Variants in RTN4 observed in about 807,000 individuals in gnomAD.
RTN4 encodes reticulon 4, also known as reticulon-4.
RTN4 carries 32 observed loss-of-function variants against 90.4 expected under a neutral mutation model. The observed-to-expected ratio is 0.35, with a 90% confidence interval of 0.27 to 0.48. RTN4 has a LOEUF of 0.48. Among genes scored for constraint, RTN4 ranks in the 20% least tolerant of loss-of-function variants. RTN4 has a pLI of 0.99. For synonymous variants in RTN4, 629 were observed against 552.5 expected (o/e 1.14, Z -1.94); for missense variants, 1,706 against 1,430.2 (o/e 1.19, Z -3.11).
chr2:55,135,689 A>T, the RTN4 span, among the ~76,000 whole-genome samples: 1 of 152,144 alleles, frequency 6.6e-6, no homozygotes, highest in African/African-American at 2.4e-5. Context: ...GATAATGAAC[A>T]TCTCCGTCAA....
intron 1 of RTN4, among the ~76,000 whole-genome samples, chr2:55,097,209 G>T (rs867798539): frequency 6.6e-6 from 1 of 151,600 alleles, no homozygotes; most frequent in Non-Finnish European, 1.5e-5. Flanking sequence ...TTGTGATAAA[G>T]GAGGATTGCT....
intron 1 of RTN4, among the ~76,000 whole-genome samples, chr2:55,093,053 T>C (rs1386057074): frequency 6.6e-6 from 1 of 152,234 alleles, no homozygotes; most frequent in Non-Finnish European, 1.5e-5. Flanking sequence ...TGTGTACGTG[T>C]GTAAAATATC....
chr2:55,043,130 A>G (rs1683185740), intron 1 of RTN4, among the ~76,000 whole-genome samples: 2 of 152,178 alleles, frequency 1.3e-5, no homozygotes, highest in East Asian at 3.8e-4. Flanking sequence ...TTGCATACCT[A>G]TGTCCTGCAC....
At chr2:55,082,872 TCA>T (rs1472107826) in intron 1 of RTN4, among the ~76,000 whole-genome samples, 1 of 152,080 alleles carries the variant, frequency 6.6e-6, no homozygotes, top group Non-Finnish European at 1.5e-5. Flanking sequence ...TTGTCCCAAG[TCA>T]CACAGCTAAG....
chr2:55,107,181 G>A (rs777251722), intron 1 of RTN4, among the ~76,000 whole-genome samples: 3 of 151,526 alleles, frequency 2.0e-5, no homozygotes, highest in Non-Finnish European at 4.4e-5. Flanking sequence ...TTTGTTGAGT[G>A]AGTTTTGTTT....
chr2:55,128,140 T>C, the RTN4 span, among the ~76,000 whole-genome samples: 11 of 152,118 alleles, frequency 7.2e-5, no homozygotes, highest in African/African-American at 2.7e-4. Context: ...GCCACCGCAC[T>C]GGGACTGTGA....
chr2:54,998,205 G>T (rs760677695), intron 3 of RTN4, among the ~76,000 whole-genome samples: 28 of 147,618 alleles, frequency 1.9e-4, no homozygotes, highest in Non-Finnish European at 3.9e-4. Context: ...GGGAAGAGGA[G>T]TGACTGCTAG....
intron 3 of RTN4, among the ~76,000 whole-genome samples, chr2:54,993,357 C>G (rs1679176911): frequency 6.6e-6 from 1 of 152,106 alleles, no homozygotes; most frequent in Non-Finnish European, 1.5e-5. Flanking sequence ...GGAAAAAGAA[C>G]ACCCTGTCTG....
chr2:54,978,259 A>C (rs1188256613), intron 5 of RTN4, among the ~76,000 whole-genome samples: 1 of 151,994 alleles, frequency 6.6e-6, no homozygotes, highest in Admixed American at 6.6e-5. Context: ...GCAAAACCCC[A>C]TCTCTTCTAA....
At chr2:55,102,086 T>C (rs1372626425) in intron 1 of RTN4, among the ~76,000 whole-genome samples, 1 of 152,162 alleles carries the variant, frequency 6.6e-6, no homozygotes, top group Non-Finnish European at 1.5e-5. Context: ...AGTCCATTTT[T>C]AAAAATCATG....
Position 55,049,094 on chromosome 2 carries a change from C to T in RTN4, c.556+651G>A, listed in dbSNP as rs148515874. ...AGGACTTTACCAGAACTCTCTCCTT[C>T]CCATTTCTCCACGCACCACACCACT... On this transcript the variant is annotated intron_variant, in intron 1 of 8. Coordinates refer to ENST00000337526, the MANE Select transcript of RTN4 (RefSeq NM_020532.5). 1.1e-3 allele frequency: 1,048 copies of T among 985,782 alleles called. 8 individuals carry two copies. The African/African-American group carries it at 0.017, about 16-fold the overall frequency. 61.1% of individuals were successfully genotyped at this position (985,782 alleles called of 1,614,324 possible). A position where few individuals can be genotyped will look rare whatever the true frequency, so the allele number is the denominator to read the frequency against.
At chr2:55,115,534 T>C (rs1668108286), upstream of RTN4, among the ~76,000 whole-genome samples, 1 of 152,214 alleles carries the variant, frequency 6.6e-6, no homozygotes, top group Non-Finnish European at 1.5e-5. Flanking sequence ...AGAAGATTTC[T>C]AGAAATCTGA....
chr2:55,044,056 C>T (rs1573463720), intron 1 of RTN4, among the ~76,000 whole-genome samples: 1 of 148,896 alleles, frequency 6.7e-6, no homozygotes, highest in Non-Finnish European at 1.5e-5. Flanking sequence ...ATTAGCCGGG[C>T]GTGGTGGTAC....
chr2:55,106,276 T>G (rs1276602155), intron 1 of RTN4, among the ~76,000 whole-genome samples: 3 of 152,126 alleles, frequency 2.0e-5, no homozygotes, highest in Non-Finnish European at 4.4e-5. Flanking sequence ...CACCCTACCC[T>G]GAATTTCTTG....
intron 3 of RTN4, among the ~76,000 whole-genome samples, chr2:55,016,570 C>G (rs529765362): frequency 1.3e-5 from 2 of 152,136 alleles, no homozygotes; most frequent in East Asian, 3.9e-4. Flanking sequence ...AGTGACAGAG[C>G]GAGACTATGT....
chr2:54,976,375 C>T (rs941448733), intron 5 of RTN4, among the ~76,000 whole-genome samples: 3 of 152,132 alleles, frequency 2.0e-5, no homozygotes, highest in Non-Finnish European at 4.4e-5. Context: ...AAGAGAAGAA[C>T]ACAGGGAGGT....
chr2:55,106,743 C>T (rs1667950924), intron 1 of RTN4, among the ~76,000 whole-genome samples: 1 of 152,062 alleles, frequency 6.6e-6, no homozygotes, highest in Non-Finnish European at 1.5e-5. Flanking sequence ...TGGTCTCGAA[C>T]ACCTGACCCC....
chr2:55,070,517 G>C (rs1210087214), intron 2 of RTN4, among the ~76,000 whole-genome samples: 2 of 131,594 alleles, frequency 1.5e-5, no homozygotes, highest in Non-Finnish European at 3.1e-5. Flanking sequence ...TTGCACTCCA[G>C]CCTGGGTGAC....
At chr2:55,096,197 A>G (rs960625568) in intron 1 of RTN4, among the ~76,000 whole-genome samples, 1 of 152,074 alleles carries the variant, frequency 6.6e-6, no homozygotes, top group African/African-American at 2.4e-5. Flanking sequence ...GTGGTGGCGC[A>G]TGCCTGTAAT....
Sources: gnomAD v4.1 joint callset for allele counts (sites outside exome capture counted in the v4.1 genomes callset) on GRCh38, gnomAD v4.1.1 for gene constraint, MANE v1.5 for transcripts, NCBI Gene and HGNC (gene_info 2026-07-23, HGNC 2026-07-21) for gene names.